DDIT4: variants seen among roughly 807,000 people sequenced by gnomAD.
The protein encoded by DDIT4 is DNA damage-inducible transcript 4 protein.
Under a neutral mutation model 20.2 loss-of-function variants are expected in DDIT4, and 20 were observed. The observed-to-expected ratio is 0.99, with a 90% CI of 0.70 to 1.44. The LOEUF (loss-of-function observed/expected upper bound fraction) is 1.44, where lower values mean the gene tolerates loss of function less well. Ranked by LOEUF, DDIT4 falls within the 40% of genes most tolerant of loss-of-function variation. The probability of loss-of-function intolerance (pLI) is 0.00; values close to 1 mark genes in which losing one functional copy is unlikely to be tolerated. For synonymous variants in DDIT4, 152 were observed against 144.6 expected, an observed-to-expected ratio of 1.05 and a Z score of -0.37; for missense variants, 316 against 298.1, an observed-to-expected ratio of 1.06 and a Z score of -0.44.
Position 72,275,496 on chromosome 10 carries a change from G to A in DDIT4, c.*308G>A, listed in dbSNP as rs561122223. 4 of 277,780 alleles carry A rather than the reference G, an allele frequency of 1.4e-5. No individual in the cohort carries two copies. The South Asian group carries it at 2.0e-4, about 14-fold the overall frequency. The allele number at this position is 277,780 out of a possible 1,614,324, so 17.2% of individuals were successfully genotyped here. On this transcript the variant is annotated 3_prime_UTR_variant, in exon 3 of 3. Coordinates refer to ENST00000307365, the MANE Select transcript of DDIT4 (RefSeq NM_019058.4). ...ATTTTTGTTACTGACAGTTAACAGT[G>A]GTGTGACATCCAGAGAGCAGCTGGG...
At position 72,273,957 on chromosome 10, in the gene DDIT4, C is replaced by G; in HGVS notation, c.-164C>G. On this transcript the variant is annotated 5_prime_UTR_variant, in exon 1 of 3. Transcript: ENST00000307365. Reference sequence around the variant, plus strand: ...CCAAGGGGGAGGTGCGAGCGTGGACCTGGGACGGGTCTGGGCGGCTCTCGG... The same window carrying G: ...CCAAGGGGGAGGTGCGAGCGTGGACGTGGGACGGGTCTGGGCGGCTCTCGG... 3.7e-6 allele frequency: 2 copies of G among 543,098 alleles called. No homozygotes were observed. The allele number at this position is 543,098 out of a possible 1,614,324, so 33.6% of individuals were successfully genotyped here.
Position 72,274,410 on chromosome 10 carries a change from G to T in DDIT4, c.194G>T (p.Gly65Val), listed in dbSNP as rs1314438982. ...ESLDSSNSGF[G>V]PEEDTAYLDG... The stretch of plus-strand genomic sequence containing the variant: ...CTGGACAGCAGCAACAGTGGCTTCG[G>T]GCCGGAGGAAGGTGAGCGGTGGGCG... Residue 65 changes from glycine to valine, a missense_variant, in exon 2 of 3, where the codon GGG (glycine) becomes GTG (valine). Physicochemically the swap from Gly to Val is moderately radical, Grantham distance 109. Coordinates refer to ENST00000307365, the MANE Select transcript of DDIT4 (RefSeq NM_019058.4). 6.4e-7 allele frequency: 1 copy of T among 1,570,622 alleles called. No homozygotes were observed. Among genetic ancestry groups the T allele is most frequent in the East Asian group, 2.2e-5 (1 of 44,474 alleles).
chr10:72,275,630 C>A lies in DDIT4; in HGVS notation c.*442C>A, dbSNP rs1412461604. 1 of 189,390 alleles carries A rather than the reference C, an allele frequency of 5.3e-6. No homozygotes were observed. The highest frequency in any genetic ancestry group is 5.4e-5 in the Admixed American group (1 of 18,644). The allele number at this position is 189,390 out of a possible 1,614,324, so 11.7% of individuals were successfully genotyped here. On this transcript the variant is annotated 3_prime_UTR_variant, in exon 3 of 3. Transcript: ENST00000307365. ...TCGTGGAGGTGGTTTGTGTATCTTA[C>A]TGGTCTGAAGGGACCAAGTGTGTTT... is the stretch of plus-strand genomic sequence containing the variant.
chr10:72,275,376 T>C lies in DDIT4; in HGVS notation c.*188T>C, dbSNP rs763959603. 76 of 641,648 alleles carry C rather than the reference T, an allele frequency of 1.2e-4. No individual in the cohort carries two copies. Among genetic ancestry groups the C allele is most frequent in the South Asian group, 3.1e-4 (16 of 50,964 alleles). The allele number at this position is 641,648 out of a possible 1,614,324, so 39.7% of individuals were successfully genotyped here. On this transcript the variant is annotated 3_prime_UTR_variant, in exon 3 of 3. Coordinates refer to ENST00000307365, the MANE Select transcript of DDIT4 (RefSeq NM_019058.4). Reference sequence around the variant, plus strand: ...TGAGTTGTGTGCGGGTGGCTGTGCATTGGGGACACATACCCCTCAGTACTG... The same window carrying C: ...TGAGTTGTGTGCGGGTGGCTGTGCACTGGGGACACATACCCCTCAGTACTG...
intron 2 of DDIT4, 90 bp downstream of exon 2, chr10:72,274,511 C>T: frequency 7.0e-7 from 1 of 1,435,336 alleles, no homozygotes; most frequent in South Asian, 1.4e-5. Flanking sequence ...GCCTTGGCTT[C>T]CTATCCCATC....
chr10:72,275,095 T>G lies in DDIT4; in HGVS notation c.606T>G (p.Pro202=). ...LFSSANSPFL[P]GFSQSLTLST... ...GCTCCGCCAACTCTCCCTTCCTCCC[T>G]GGCTTCAGCCAGTCCCTGACGCTGA... The change falls in exon 3 of 3, where the codon CCT becomes CCG. Residue 202 remains proline (P), a synonymous_variant. Transcript: ENST00000307365. The G allele has an allele frequency of 6.2e-7, 1 of 1,613,320 alleles. No individual in the cohort carries two copies. The highest frequency in any genetic ancestry group is 1.6e-4 in the Middle Eastern group (1 of 6,062).
chr10:72,275,221 A>T lies in DDIT4; in HGVS notation c.*33A>T. On this transcript the variant is annotated 3_prime_UTR_variant, in exon 3 of 3. Transcript: ENST00000307365. ...CCTGAGGGGGCCGACAGTGCCCTCC[A>T]AGACAGAGACGACTGAACTTTTGGG... The T allele has an allele frequency of 1.3e-6, 2 of 1,573,024 alleles. No individual in the cohort carries two copies. The highest frequency in any genetic ancestry group is 2.2e-5 in the East Asian group (1 of 44,638).
chr10:72,274,512 C>CT, intron 2 of DDIT4, 91 bp downstream of exon 2: 1 of 1,435,972 alleles, frequency 7.0e-7, no homozygotes, highest in South Asian at 1.4e-5. Context: ...CCTTGGCTTC[C>CT]TATCCCATCG....
In DDIT4 at chr10:72,274,057, G is replaced by C; in HGVS notation, c.-64G>C. On this transcript the variant is annotated 5_prime_UTR_variant, in exon 1 of 3. Transcript: ENST00000307365. ...TTAGCAGTTCTCGCTGACCGCGCTA[G>C]CTGGTGAGTGTCCCTTCTGTGTGTG... The C allele has an allele frequency of 1.5e-6, 1 of 660,942 alleles. No individual in the cohort carries two copies. The allele number at this position is 660,942 out of a possible 1,614,324, so 40.9% of individuals were successfully genotyped here. A position where few individuals can be genotyped will look rare whatever the true frequency, so the allele number is the denominator to read the frequency against.
chr10:72,274,422 G>C lies in DDIT4; in HGVS notation c.205+1G>C. ...AACAGTGGCTTCGGGCCGGAGGAAG[G>C]TGAGCGGTGGGCGGGTGCCGACGCG... is the stretch of plus-strand genomic sequence containing the variant. On this transcript the variant is annotated splice_donor_variant, in intron 2 of 2. Transcript: ENST00000307365. LOFTEE classifies it high-confidence loss of function. 2 of 1,553,482 alleles carry C rather than the reference G, an allele frequency of 1.3e-6. No individual in the cohort carries two copies. The highest frequency in any genetic ancestry group is 1.7e-6 in the Non-Finnish European group (2 of 1,153,012).
rs1001877971 is a variant in DDIT4 at position 72,275,040 on chromosome 10, G to C, written c.551G>C (p.Arg184Pro). The C allele has an allele frequency of 1.9e-6, 3 of 1,613,480 alleles. No individual in the cohort carries two copies. The highest frequency in any genetic ancestry group is 2.7e-5 in the African/African-American group (2 of 74,934). The change falls in exon 3 of 3, where the codon CGA becomes CCA. Residue 184 changes from arginine to proline, a missense_variant. By Grantham distance (103) the Arg-to-Pro change is moderately radical. Coordinates refer to ENST00000307365, the MANE Select transcript of DDIT4 (RefSeq NM_019058.4). ...QLTLVLRLDS[R>P]LWPKIQGLFS... The stretch of plus-strand genomic sequence containing the variant: ...ACCCTCGTGCTGCGCCTGGACTCAC[G>C]ACTCTGGCCCAAGATCCAGGGGCTG...
rs539795790 is a variant in DDIT4 at position 72,274,050 on chromosome 10, C to A, written c.-71C>A. On this transcript the variant is annotated 5_prime_UTR_variant, in exon 1 of 3. Transcript: ENST00000307365. ...ACTTGTCTTAGCAGTTCTCGCTGACCGCGCTAGCTGGTGAGTGTCCCTTCT... is the reference window on the plus strand; with the variant it reads ...ACTTGTCTTAGCAGTTCTCGCTGACAGCGCTAGCTGGTGAGTGTCCCTTCT... The A allele has an allele frequency of 7.7e-6, 5 of 645,714 alleles. No individual in the cohort carries two copies. The highest frequency in any genetic ancestry group is 2.5e-5 in the Admixed American group (1 of 39,248). The allele number at this position is 645,714 out of a possible 1,614,324, so 40.0% of individuals were successfully genotyped here.
chr10:72,274,682 C>G lies in DDIT4; in HGVS notation c.206-13C>G. ...CCGCTCTAATACCCCTTCCTGTGTG[C>G]TCTCCTTTCCAGACACGGCTTACCT... On this transcript the variant is annotated splice_polypyrimidine_tract_variant and intron_variant, in intron 2 of 2. Coordinates refer to ENST00000307365, the MANE Select transcript of DDIT4 (RefSeq NM_019058.4). The G allele has an allele frequency of 6.3e-7, 1 of 1,598,990 alleles. No homozygotes were observed. Among genetic ancestry groups the G allele is most frequent in the Non-Finnish European group, 8.5e-7 (1 of 1,171,108 alleles).
Position 72,274,420 on chromosome 10 carries a change from A to G in DDIT4, c.204A>G (p.Glu68=), listed in dbSNP as rs1273045437. ...DSSNSGFGPE[E]DTAYLDGVSL... ...GCAACAGTGGCTTCGGGCCGGAGGAAGGTGAGCGGTGGGCGGGTGCCGACG... is the reference window on the plus strand; with the variant it reads ...GCAACAGTGGCTTCGGGCCGGAGGAGGGTGAGCGGTGGGCGGGTGCCGACG... The change falls in exon 2 of 3, where the codon GAA becomes GAG. Residue 68 remains glutamate, a splice_region_variant and synonymous_variant. Transcript: ENST00000307365. The G allele has an allele frequency of 1.9e-6, 3 of 1,555,650 alleles. No individual in the cohort carries two copies. The highest frequency in any genetic ancestry group is 2.3e-5 in the East Asian group (1 of 44,410).
chr10:72,274,917 G>T lies in DDIT4; in HGVS notation c.428G>T (p.Arg143Leu), dbSNP rs768266790. The T allele has an allele frequency of 1.2e-6, 2 of 1,612,292 alleles. No individual in the cohort carries two copies. Among genetic ancestry groups the T allele is most frequent in the East Asian group, 2.2e-5 (1 of 44,878 alleles). ...GCCTACAGCGAGCCGTGCGGCCTGC[G>T]GGGGGCGCTGCTGGACGTCTGCGTG... ...RLAYSEPCGLRGALLDVCVEQ... is the reference protein window; with the variant it reads ...RLAYSEPCGLLGALLDVCVEQ... The change falls in exon 3 of 3, where the codon CGG (arginine) becomes CTG (leucine). Residue 143 changes from arginine to leucine, a missense_variant. Physicochemically the swap from Arg to Leu is moderately radical, Grantham distance 102 (BLOSUM62 -2). Transcript: ENST00000307365.
At chr10:72,274,608 G>A in intron 2 of DDIT4, 87 bp from the exon 3 acceptor site, 2 of 1,496,634 alleles carry the variant, frequency 1.3e-6, no homozygotes, top group Non-Finnish European at 1.8e-6. Context: ...AGGAGCGTTG[G>A]TTTCTTAAGG....
intron 1 of DDIT4, 29 bp from the exon 2 acceptor site, chr10:72,274,128 G>A: frequency 9.5e-7 from 1 of 1,047,698 alleles, no homozygotes; most frequent in Non-Finnish European, 1.5e-6. Context: ...CCAGACTGAC[G>A]CCTGGTCGGT....
Position 72,275,044 on chromosome 10 carries a change from CTG to C in DDIT4, c.556_557del (p.Trp186AlafsTer8). 6.2e-7 allele frequency: 1 copy of C among 1,613,642 alleles called. No individual in the cohort carries two copies. Among genetic ancestry groups the C allele is most frequent in the Non-Finnish European group, 8.5e-7 (1 of 1,180,012 alleles). On this transcript the variant is annotated frameshift_variant, in exon 3 of 3. Coordinates refer to ENST00000307365, the MANE Select transcript of DDIT4 (RefSeq NM_019058.4). LOFTEE classifies it high-confidence loss of function. ...TLVLRLDSRL[W>X]PKIQGLFSSA... ...TCGTGCTGCGCCTGGACTCACGACT[CTG>C]GCCCAAGATCCAGGGGCTGTTTAGC...
At position 72,274,003 on chromosome 10, in the gene DDIT4, A is replaced by G. The variant is rs1254907218; in HGVS notation, c.-118A>G. The G allele has an allele frequency of 1.7e-6, 1 of 590,968 alleles. No individual in the cohort carries two copies. Among genetic ancestry groups the G allele is most frequent in the East Asian group, 2.9e-5 (1 of 34,942 alleles). 36.6% of individuals were successfully genotyped at this position (590,968 alleles called of 1,614,324 possible). On this transcript the variant is annotated 5_prime_UTR_variant, in exon 1 of 3. Transcript: ENST00000307365. ...CTCGGTGGTTGGCACGGGTTCGCAC[A>G]CCCATTCAAGCGGCAGGACGCACTT... is the stretch of plus-strand genomic sequence containing the variant.
Sources: allele counts gnomAD v4.1 joint callset, GRCh38; gene constraint gnomAD v4.1.1; transcripts MANE v1.5; gene names NCBI Gene and HGNC (gene_info 2026-07-23, HGNC 2026-07-21).